Variants in TPST1 observed in about 807,000 individuals in gnomAD.
The protein encoded by TPST1 is tyrosylprotein sulfotransferase 1, also known as protein-tyrosine sulfotransferase 1.
A neutral mutation model predicts 34.8 loss-of-function variants in TPST1; 20 were observed. The observed-to-expected ratio is 0.57, with a 90% CI of 0.40 to 0.84. The LOEUF (loss-of-function observed/expected upper bound fraction) is 0.84, where lower values mean the gene tolerates loss of function less well. Among genes scored for constraint, TPST1 ranks in the 40% least tolerant of loss-of-function variants. The pLI, the probability that TPST1 is intolerant of heterozygous loss-of-function variation, is 0.00. For synonymous variants in TPST1, 152 were observed against 159.4 expected (o/e 0.95, Z 0.35); for missense variants, 353 against 455.5 (o/e 0.78, Z 2.05).
chr7:66,231,505 G>T (rs574532440), intron 1 of TPST1, among the ~76,000 whole-genome samples: 1 of 152,246 alleles, frequency 6.6e-6, no homozygotes, highest in Non-Finnish European at 1.5e-5. Flanking sequence ...GCCCTGCCCC[G>T]TGGGAAGGCA....
Position 66,360,269 on chromosome 7 carries a change from A to T in TPST1, c.*404A>T, listed in dbSNP as rs1792664107. On this transcript the variant is annotated 3_prime_UTR_variant, in exon 6 of 6. Transcript: ENST00000304842. Reference sequence around the variant, plus strand: ...AAATAGGTTGTCTGTACATGTTCTAATGTTTTGTAGAACACGTGTGCCTGT... The same window carrying T: ...AAATAGGTTGTCTGTACATGTTCTATTGTTTTGTAGAACACGTGTGCCTGT... The T allele has an allele frequency of 4.4e-6, 1 of 227,914 alleles. No individual in the cohort carries two copies. The highest frequency in any genetic ancestry group is 5.3e-5 in the Admixed American group (1 of 18,914). The allele number at this position is 227,914 out of a possible 1,614,324, so 14.1% of individuals were successfully genotyped here.
At chr7:66,245,938 T>A (rs1790137776) in intron 2 of TPST1, among the ~76,000 whole-genome samples, 1 of 152,180 alleles carries the variant, frequency 6.6e-6, no homozygotes, top group Non-Finnish European at 1.5e-5. Context: ...AGAACAAGTC[T>A]GTTTATTTGT....
At chr7:66,280,209 C>G (rs974026898) in intron 2 of TPST1, among the ~76,000 whole-genome samples, 1 of 152,194 alleles carries the variant, frequency 6.6e-6, no homozygotes, top group Non-Finnish European at 1.5e-5. Flanking sequence ...TCCAGAGCAC[C>G]TAGAGCACTC....
chr7:66,240,630 A>T lies in TPST1; in HGVS notation c.205A>T (p.Met69Leu). The T allele has an allele frequency of 6.2e-7, 1 of 1,614,246 alleles. No homozygotes were observed. The highest frequency in any genetic ancestry group is 8.5e-7 in the Non-Finnish European group (1 of 1,180,050). ...ANKTFAYHKD[M>L]PLIFIGGVPR... ...CAAAACCTTTGCCTATCACAAAGAT[A>T]TGCCTTTAATATTTATTGGAGGTGT... Residue 69 changes from methionine (M) to leucine (L), a missense_variant, in exon 2 of 6, where the codon ATG becomes TTG. Coordinates refer to ENST00000304842, the MANE Select transcript of TPST1 (RefSeq NM_003596.4).
chr7:66,239,326 A>G (rs977283493), intron 1 of TPST1, among the ~76,000 whole-genome samples: 1 of 152,142 alleles, frequency 6.6e-6, no homozygotes, highest in African/African-American at 2.4e-5. Context: ...CCTCAGGTCA[A>G]TTACATGCTC....
At chr7:66,207,266 G>A (rs1156813141) in intron 1 of TPST1, among the ~76,000 whole-genome samples, 3 of 152,072 alleles carry the variant, frequency 2.0e-5, no homozygotes, top group African/African-American at 7.2e-5. Flanking sequence ...ATTTTTCTCT[G>A]ACTCTTTGTC....
intron 3 of TPST1, among the ~76,000 whole-genome samples, chr7:66,320,341 G>A (rs905107071): frequency 2.3e-4 from 33 of 140,802 alleles, no homozygotes; most frequent in Non-Finnish European, 3.3e-4. Flanking sequence ...TCCACCTCCC[G>A]GGTTCACTCC....
At chr7:66,296,683 T>TTTTG (rs1381043221) in intron 3 of TPST1, among the ~76,000 whole-genome samples, 7 of 147,610 alleles carry the variant, frequency 4.7e-5, no homozygotes, top group African/African-American at 1.5e-4. Context: ...TTGGTTTTTT[T>TTTTG]TTTTTTTTTT....
chr7:66,238,833 A>G (rs1035272998), intron 1 of TPST1, among the ~76,000 whole-genome samples: 1 of 152,210 alleles, frequency 6.6e-6, no homozygotes, highest in Admixed American at 6.5e-5. Flanking sequence ...TTTGGTGTAC[A>G]TGTAGTCTGG....
intron 2 of TPST1, among the ~76,000 whole-genome samples, chr7:66,274,208 A>C (rs1562824642): frequency 6.6e-6 from 1 of 151,878 alleles, no homozygotes; most frequent in South Asian, 2.1e-4. Flanking sequence ...TTCTACTAAA[A>C]ATACAAAAAA....
chr7:66,240,972 G>A lies in TPST1; in HGVS notation c.547G>A (p.Val183Ile). The change falls in exon 2 of 6, where the codon GTC (valine) becomes ATC (isoleucine). Residue 183 changes from valine to isoleucine, a missense_variant. Val to Ile is a conservative substitution (Grantham distance 29). Coordinates refer to ENST00000304842, the MANE Select transcript of TPST1 (RefSeq NM_003596.4). ...CCCCAATGCCAAATTTCTCCTGATG[G>A]TCCGAGATGGCCGGGCATCAGTACA... ...LFPNAKFLLM[V>I]RDGRASVHSM... is the part of the protein sequence containing the mutation. 6.2e-7 allele frequency: 1 copy of A among 1,614,054 alleles called. No homozygotes were observed. The highest frequency in any genetic ancestry group is 2.2e-5 in the East Asian group (1 of 44,882).
intron 3 of TPST1, among the ~76,000 whole-genome samples, chr7:66,324,432 C>G (rs548963430): frequency 6.6e-6 from 1 of 152,070 alleles, no homozygotes; most frequent in African/African-American, 2.4e-5. Context: ...AAACTTTTTA[C>G]ATATATACTT....
chr7:66,353,584 A>G (rs1792523810), intron 4 of TPST1, among the ~76,000 whole-genome samples: 1 of 152,246 alleles, frequency 6.6e-6, no homozygotes. Context: ...CACGGCTGAC[A>G]TGCCTAGAGG....
intron 2 of TPST1, among the ~76,000 whole-genome samples, chr7:66,244,065 C>T (rs959398959): frequency 1.3e-5 from 2 of 151,432 alleles, no homozygotes; most frequent in Admixed American, 1.3e-4. Context: ...TCTCCTGCCT[C>T]AGCCTCCTGA....
chr7:66,268,344 T>A (rs1465415506), intron 2 of TPST1, among the ~76,000 whole-genome samples: 1 of 152,170 alleles, frequency 6.6e-6, no homozygotes, highest in African/African-American at 2.4e-5. Flanking sequence ...TTGATACCCC[T>A]CTTAGATTTT....
chr7:66,248,650 C>T (rs553739501), intron 2 of TPST1, among the ~76,000 whole-genome samples: 7 of 151,566 alleles, frequency 4.6e-5, no homozygotes, highest in Non-Finnish European at 7.4e-5. Context: ...ATTGCAGGTG[C>T]GTGCCACCAC....
In TPST1 at chr7:66,325,976, G is replaced by A. The variant is rs768625338; in HGVS notation, c.1045-26529G>A. ...GTAAAACTTCTTTAATTTTCTTCTC[G>A]CAAGAATTGAATAGAATGATAGAAT... On this transcript the variant is annotated intron_variant, in intron 3 of 5. Transcript: ENST00000304842. Among the ~76,000 whole-genome samples, 57 of 152,132 alleles carry A rather than the reference G, an allele frequency of 3.7e-4. 1 individual carries two copies. The highest frequency in any genetic ancestry group is 5.9e-4 in the Non-Finnish European group (40 of 68,008).
chr7:66,337,087 C>T (rs1792135308), intron 3 of TPST1, among the ~76,000 whole-genome samples: 3 of 152,020 alleles, frequency 2.0e-5, no homozygotes, highest in Admixed American at 2.0e-4. Flanking sequence ...CAACACCAGA[C>T]CTGTCTTACA....
At chr7:66,217,624 C>A (rs547687672) in intron 1 of TPST1, among the ~76,000 whole-genome samples, 62 of 152,238 alleles carry the variant, frequency 4.1e-4, no homozygotes, top group African/African-American at 1.3e-3. Context: ...GAGATGGAGT[C>A]TTGCTCTGTC....
Sources: allele counts gnomAD v4.1 joint callset (sites outside exome capture counted in the v4.1 genomes callset), GRCh38; gene constraint gnomAD v4.1.1; transcripts MANE v1.5; gene names NCBI Gene and HGNC (gene_info 2026-07-23, HGNC 2026-07-21).